The following TRPS1 variants were observed in gnomAD, a reference collection of about 807,000 sequenced individuals.
TRPS1 encodes the protein zinc finger transcription factor Trps1.
TRPS1 carries 6 observed loss-of-function variants against 101.2 expected under a neutral mutation model. The observed-to-expected ratio is 0.06, with a 90% CI of 0.03 to 0.12. TRPS1 has a LOEUF of 0.12. Ranked by LOEUF, TRPS1 falls within the 10% of genes least tolerant of loss-of-function variation. The pLI, the probability that TRPS1 is intolerant of heterozygous loss-of-function variation, is 1.00. For missense variants in TRPS1, 1,363 were observed against 1,567.0 expected (o/e 0.87, Z 2.20); for synonymous variants, 578 against 589.8 (o/e 0.98, Z 0.29).
intron 5 of TRPS1, among the ~76,000 whole-genome samples, chr8:115,453,026 ATT>A (rs1315243679): frequency 6.8e-6 from 1 of 146,056 alleles, no homozygotes; most frequent in Admixed American, 6.9e-5. Flanking sequence ...TCCACTTTCA[ATT>A]TTTTTTTTTT....
rs1230499858 is a variant in TRPS1, at chr8:115,547,786, C to T, written c.2700+39215G>A. 2.0e-5 allele frequency among the ~76,000 whole-genome samples: 3 copies of T among 152,132 alleles called. 1 individual carries two copies. The highest frequency in any genetic ancestry group is 4.1e-4 in the South Asian group (2 of 4,834). On this transcript the variant is annotated intron_variant, in intron 5 of 6. Coordinates refer to ENST00000395715, the MANE Select transcript of TRPS1 (RefSeq NM_014112.5). Reference sequence around the variant, plus strand: ...CATTCCTTCTACGCTGCACTTATTTCGGTTTTCCTTTTGTGTCCTGTTGTC... The same window carrying T: ...CATTCCTTCTACGCTGCACTTATTTTGGTTTTCCTTTTGTGTCCTGTTGTC...
chr8:115,593,786 G>A (rs541293690), intron 4 of TRPS1, among the ~76,000 whole-genome samples: 17 of 152,072 alleles, frequency 1.1e-4, no homozygotes, highest in South Asian at 4.2e-4. Flanking sequence ...AACCACCCCC[G>A]CATCCATAAA....
At chr8:115,619,013 T>G in intron 3 of TRPS1, 119 bp downstream of exon 3, 1 of 1,054,722 alleles carries the variant, frequency 9.5e-7, no homozygotes. Context: ...CCATCTCTTC[T>G]GCTAGATCTA....
At chr8:115,461,310 T>G in intron 5 of TRPS1, among the ~76,000 whole-genome samples, 1 of 150,818 alleles carries the variant, frequency 6.6e-6, no homozygotes, top group Admixed American at 6.6e-5. Context: ...GACAGATACA[T>G]ACATACATAC....
chr8:115,459,736 C>T (rs1390720400), intron 5 of TRPS1, among the ~76,000 whole-genome samples: 1 of 152,186 alleles, frequency 6.6e-6, no homozygotes, highest in East Asian at 1.9e-4. Flanking sequence ...AATCCCTATA[C>T]ATTACTCTGA....
At chr8:115,506,138 C>A (rs1260917227) in intron 5 of TRPS1, among the ~76,000 whole-genome samples, 2 of 151,530 alleles carry the variant, frequency 1.3e-5, no homozygotes, top group African/African-American at 4.9e-5. Flanking sequence ...TCACAGGTTT[C>A]TAAAAGTTAT....
At chr8:115,516,203 T>C (rs1182555458) in intron 5 of TRPS1, among the ~76,000 whole-genome samples, 1 of 151,416 alleles carries the variant, frequency 6.6e-6, no homozygotes, top group Non-Finnish European at 1.5e-5. Flanking sequence ...TTAAAAGATA[T>C]CTAATTACAG....
intron 5 of TRPS1, among the ~76,000 whole-genome samples, chr8:115,573,162 G>T (rs755688425): frequency 6.6e-6 from 1 of 151,896 alleles, no homozygotes; most frequent in Non-Finnish European, 1.5e-5. Flanking sequence ...AGTAAAGCGT[G>T]TGAACTTTGA....
intron 5 of TRPS1, among the ~76,000 whole-genome samples, chr8:115,473,197 G>A (rs937871534): frequency 2.6e-5 from 4 of 152,166 alleles, no homozygotes; most frequent in African/African-American, 9.7e-5. Flanking sequence ...AAAGGAAAGG[G>A]GATTAATTGA....
chr8:115,603,346 T>C (rs548625975), intron 4 of TRPS1, among the ~76,000 whole-genome samples: 1 of 152,312 alleles, frequency 6.6e-6, no homozygotes, highest in Admixed American at 6.5e-5. Flanking sequence ...TTCTCACCTT[T>C]AGATTACTGT....
chr8:115,482,950 T>C (rs554800618), intron 5 of TRPS1, among the ~76,000 whole-genome samples: 30 of 152,342 alleles, frequency 2.0e-4, no homozygotes, highest in African/African-American at 7.2e-4. Flanking sequence ...TCTTTAGTAA[T>C]AAGCAGTAGC....
chr8:115,610,661 T>C (rs561278354), intron 3 of TRPS1, among the ~76,000 whole-genome samples: 4 of 152,346 alleles, frequency 2.6e-5, no homozygotes, highest in South Asian at 4.1e-4. Flanking sequence ...AAGAAAATAC[T>C]GCATATTCCT....
chr8:115,410,115 A>C lies in TRPS1; in HGVS notation c.*3908T>G, dbSNP rs1812755100. On this transcript the variant is annotated 3_prime_UTR_variant, in exon 7 of 7. Coordinates refer to ENST00000395715, the MANE Select transcript of TRPS1 (RefSeq NM_014112.5). ...TATTTACTAAACAGGGCAGCAGTTCACAGGTCTCAAGACCGGTCACTTTGT... is the reference window on the plus strand; with the variant it reads ...TATTTACTAAACAGGGCAGCAGTTCCCAGGTCTCAAGACCGGTCACTTTGT... 1 of 152,080 alleles carries C rather than the reference A, an allele frequency of 6.6e-6. No individual in the cohort carries two copies. The highest frequency in any genetic ancestry group is 2.4e-5 in the African/African-American group (1 of 41,422). The allele number at this position is 152,080 out of a possible 1,614,324, so 9.4% of individuals were successfully genotyped here.
intron 5 of TRPS1, among the ~76,000 whole-genome samples, chr8:115,471,974 T>C (rs925689831): frequency 6.6e-6 from 1 of 152,186 alleles, no homozygotes; most frequent in African/African-American, 2.4e-5. Flanking sequence ...GCCTTCATGG[T>C]CTGGCACTGA....
intron 5 of TRPS1, among the ~76,000 whole-genome samples, chr8:115,580,925 T>C (rs1292642087): frequency 6.6e-6 from 1 of 152,086 alleles, no homozygotes; most frequent in Non-Finnish European, 1.5e-5. Flanking sequence ...AGGAAATTAG[T>C]ATATTAAAGA....
At chr8:115,508,584 G>A (rs890522932) in intron 5 of TRPS1, among the ~76,000 whole-genome samples, 11 of 151,898 alleles carry the variant, frequency 7.2e-5, no homozygotes, top group African/African-American at 2.7e-4. Context: ...CTTGGCCTCC[G>A]TGGAGTCTTC....
At chr8:115,517,677 G>T (rs1815750659) in intron 5 of TRPS1, among the ~76,000 whole-genome samples, 1 of 151,630 alleles carries the variant, frequency 6.6e-6, no homozygotes, top group South Asian at 2.1e-4. Flanking sequence ...TAACTTTAAA[G>T]CATAGTTGGC....
intron 5 of TRPS1, among the ~76,000 whole-genome samples, chr8:115,535,287 T>TAATATAGC (rs1165607419): frequency 7.9e-5 from 4 of 50,922 alleles, no homozygotes; most frequent in Non-Finnish European, 1.1e-4. Flanking sequence ...ATATATAGCA[T>TAATATAGC]ATATATAGCA....
intron 1 of TRPS1, among the ~76,000 whole-genome samples, chr8:115,625,772 C>T (rs2721943): frequency 0.73 from 110,653 of 151,746 alleles, 41,681 homozygotes; most frequent in African/African-American, 0.92. Context: ...ACACACACAT[C>T]ACATTCTGAA....
Sources: gnomAD v4.1 joint callset for allele counts (sites outside exome capture counted in the v4.1 genomes callset) on GRCh38, gnomAD v4.1.1 for gene constraint, MANE v1.5 for transcripts, NCBI Gene and HGNC (gene_info 2026-07-23, HGNC 2026-07-21) for gene names.